ABCB8: variants seen among roughly 807,000 people sequenced by gnomAD.
ABCB8 encodes ATP binding cassette subfamily B member 8, also known as mitochondrial potassium channel ATP-binding subunit.
Under a neutral mutation model 73.0 loss-of-function variants are expected in ABCB8, and 52 were observed. That is an observed-to-expected ratio of 0.71 (90% confidence interval 0.57 to 0.90). ABCB8 has a LOEUF of 0.90. Among genes scored for constraint, ABCB8 ranks in the 40% least tolerant of loss-of-function variants. The pLI is 0.00. For missense variants in ABCB8, 909 were observed against 974.6 expected, an observed-to-expected ratio of 0.93 and a Z score of 0.90; for synonymous variants, 428 against 423.5, an observed-to-expected ratio of 1.01 and a Z score of -0.13.
intron 1 of ABCB8, chr7:151,028,894 C>A (rs772083609): frequency 6.8e-7 from 1 of 1,479,176 alleles, no homozygotes. Flanking sequence ...CCGGGGGTCC[C>A]CTTTCCTGGC....
chr7:151,041,561 C>T (rs1056433411), intron 13 of ABCB8, among the ~76,000 whole-genome samples: 8 of 152,266 alleles, frequency 5.3e-5, no homozygotes, highest in African/African-American at 1.9e-4. Flanking sequence ...GAGCTGCAGC[C>T]GTTCTCCCTC....
At chr7:151,032,765 G>C (rs1796198501) in intron 1 of ABCB8, 2 of 288,684 alleles carry the variant, frequency 6.9e-6, no homozygotes, top group African/African-American at 4.4e-5. Flanking sequence ...GCAGCTGAAG[G>C]AAAGAGAAGG....
chr7:151,041,795 C>T (rs1207910959), intron 13 of ABCB8, among the ~76,000 whole-genome samples, 166 bp from the exon 14 acceptor site: 1 of 152,204 alleles, frequency 6.6e-6, no homozygotes, highest in Non-Finnish European at 1.5e-5. Flanking sequence ...CTTTTGGGGG[C>T]CACTCTGCAT....
chr7:151,044,212 T>C lies in ABCB8; in HGVS notation c.2007T>C (p.Arg669=). 6.3e-7 allele frequency: 1 copy of C among 1,599,116 alleles called. No homozygotes were observed. ...AHCIVVMADG[R]VWEAGTHEEL... is the part of the protein sequence containing the mutation. Reference sequence around the variant, plus strand: ...GCATTGTCGTCATGGCCGATGGCCGTGTCTGGGAGGTTAGTTGTCCTGGGG... The same window carrying C: ...GCATTGTCGTCATGGCCGATGGCCGCGTCTGGGAGGTTAGTTGTCCTGGGG... Residue 669 remains arginine, a synonymous_variant, in exon 15 of 16, where the codon CGT becomes CGC. Transcript: ENST00000358849.
intron 9 of ABCB8, chr7:151,039,972 G>T: frequency 7.4e-6 from 3 of 403,004 alleles, no homozygotes; most frequent in South Asian, 6.1e-5. Context: ...GGCACTGGAG[G>T]ACACCCACAG....
At chr7:151,044,519 A>G (rs1018137676) in intron 15 of ABCB8, among the ~76,000 whole-genome samples, 13 of 152,160 alleles carry the variant, frequency 8.5e-5, no homozygotes, top group African/African-American at 3.1e-4. Context: ...TGGGAAGCCA[A>G]GGCAGAAGGA....
intron 15 of ABCB8, among the ~76,000 whole-genome samples, chr7:151,044,480 C>T (rs553684406): frequency 6.6e-6 from 1 of 152,266 alleles, no homozygotes; most frequent in East Asian, 1.9e-4. Flanking sequence ...AGGAAAAGTA[C>T]TAGCCGGGTG....
chr7:151,031,252 G>T (rs559074093), intron 1 of ABCB8: 15 of 1,546,498 alleles, frequency 9.7e-6, no homozygotes, highest in African/African-American at 1.4e-5. Flanking sequence ...AACACATGGC[G>T]TAATGGGAAA....
intron 9 of ABCB8, chr7:151,037,536 A>C (rs1013427217): frequency 1.2e-5 from 7 of 584,774 alleles, no homozygotes; most frequent in African/African-American, 1.1e-4. Context: ...AAGCAGTTCT[A>C]CATAAATATG....
In ABCB8 at chr7:151,033,840, G is replaced by A. The variant is rs200121425; in HGVS notation, c.331G>A (p.Val111Met). 1.7e-5 allele frequency: 27 copies of A among 1,613,702 alleles called. No homozygotes were observed. The highest frequency in any genetic ancestry group is 5.5e-5 in the South Asian group (5 of 91,048). ...APPASSTPHV[V>M]GSRFNWKLFW... ...TCCTGCCAGCTCCACACCCCATGTC[G>A]TGGGGTCTCGCTTTAACTGGAAGCT... Residue 111 changes from valine to methionine, a missense_variant, in exon 2 of 16, where the codon GTG becomes ATG. Coordinates refer to ENST00000358849, the MANE Select transcript of ABCB8 (RefSeq NM_007188.5).
At chr7:151,032,749 G>A (rs945628856) in intron 1 of ABCB8, 5 of 283,076 alleles carry the variant, frequency 1.8e-5, no homozygotes, top group Middle Eastern at 4.4e-4. Flanking sequence ...GCATTTTATA[G>A]ATGTGGCAGC....
intron 1 of ABCB8, 71 bp from the exon 2 acceptor site, chr7:151,033,533 GC>G: frequency 1.3e-6 from 2 of 1,507,752 alleles, no homozygotes; most frequent in Non-Finnish European, 1.8e-6. Context: ...CTCAGCCAGA[GC>G]CCCATGGGTG....
intron 9 of ABCB8, chr7:151,037,077 C>G (rs1331947737): frequency 4.3e-6 from 3 of 696,492 alleles, no homozygotes; most frequent in Non-Finnish European, 7.9e-6. Flanking sequence ...AGAGCGGAAA[C>G]TATCCCCATG....
intron 9 of ABCB8, 112 bp from the exon 10 acceptor site, chr7:151,040,156 T>C: frequency 1.6e-6 from 2 of 1,279,130 alleles, no homozygotes; most frequent in Non-Finnish European, 2.2e-6. Context: ...AGTCTCTGCA[T>C]TTGGCCACAG....
chr7:151,035,484 C>T lies in ABCB8; in HGVS notation c.766-97C>T, dbSNP rs1219151516. 1.6e-5 allele frequency: 23 copies of T among 1,408,736 alleles called. No homozygotes were observed. In the East Asian group the frequency reaches 2.3e-4, roughly 14 times the overall value. 87.3% of individuals were successfully genotyped at this position (1,408,736 alleles called of 1,614,324 possible). ...CAGGGGCCAAGACCTGGGCCTTGGCCGTGGGAGTGCAGAGCTACAGTCAGC... is the reference window on the plus strand; with the variant it reads ...CAGGGGCCAAGACCTGGGCCTTGGCTGTGGGAGTGCAGAGCTACAGTCAGC... On this transcript the variant is annotated intron_variant, in intron 5 of 15. Coordinates refer to ENST00000358849, the MANE Select transcript of ABCB8 (RefSeq NM_007188.5).
At position 151,036,546 on chromosome 7, in the gene ABCB8, A is replaced by G. The variant is rs772790561; in HGVS notation, c.1114A>G (p.Met372Val). The G allele has an allele frequency of 1.4e-5, 22 of 1,613,542 alleles. No individual in the cohort carries two copies. The South Asian group carries it at 1.9e-4, about 14-fold the overall frequency. ...CCCTCACTTCCCCTCTCCTGCAGGC[A>G]TGGTCTTGGGTACCCTATTTATTGG... ...QGLSNIAFNC[M>V]VLGTLFIGGS... Residue 372 changes from methionine (M) to valine (V), a missense_variant and splice_region_variant, in exon 9 of 16, where the codon ATG becomes GTG. Coordinates refer to ENST00000358849, the MANE Select transcript of ABCB8 (RefSeq NM_007188.5).
At position 151,034,826 on chromosome 7, in the gene ABCB8, C is replaced by T. The variant is rs1377351861; in HGVS notation, c.762C>T (p.Ser254=). ...EFKSSFKLVI[S]QGLRSCTQVA... is the part of the protein sequence containing the mutation. ...AGTCATCCTTCAAGCTTGTCATCTC[C>T]CAGGTCAGTGGCCCAGTGGCCCCCA... The change falls in exon 5 of 16, where the codon TCC becomes TCT. Residue 254 remains serine, a synonymous_variant. Coordinates refer to ENST00000358849, the MANE Select transcript of ABCB8 (RefSeq NM_007188.5). 1.9e-6 allele frequency: 3 copies of T among 1,612,878 alleles called. No individual in the cohort carries two copies. The Admixed American group carries it at 5.0e-5, about 27-fold the overall frequency.
chr7:151,034,100 C>T (rs566800941), intron 2 of ABCB8, among the ~76,000 whole-genome samples, 173 bp from the exon 3 acceptor site: 1 of 152,276 alleles, frequency 6.6e-6, no homozygotes, highest in East Asian at 1.9e-4. Flanking sequence ...TCCGTGGGGA[C>T]TGGAAGCCAG....
intron 1 of ABCB8, among the ~76,000 whole-genome samples, chr7:151,032,641 C>T (rs1234733088): frequency 6.6e-6 from 1 of 151,752 alleles, no homozygotes; most frequent in Non-Finnish European, 1.5e-5. Context: ...TTGCAGTGAG[C>T]CGAGATTGTG....
Sources: gnomAD v4.1 joint callset for allele counts (sites outside exome capture counted in the v4.1 genomes callset) on GRCh38, gnomAD v4.1.1 for gene constraint, MANE v1.5 for transcripts, NCBI Gene and HGNC (gene_info 2026-07-23, HGNC 2026-07-21) for gene names.